HCK: variants seen among roughly 807,000 people sequenced by gnomAD.
HCK encodes tyrosine-protein kinase HCK.
Under a neutral mutation model 70.4 loss-of-function variants are expected in HCK, and 40 were observed. That is an observed-to-expected ratio of 0.57 (90% confidence interval 0.44 to 0.74). The LOEUF (loss-of-function observed/expected upper bound fraction) is 0.74. Among genes scored for constraint, HCK ranks in the 30% least tolerant of loss-of-function variants. HCK has a pLI of 0.00. For synonymous variants in HCK, 245 were observed against 263.2 expected (o/e 0.93, Z 0.67); for missense variants, 568 against 697.2 (o/e 0.81, Z 2.09).
At chr20:32,093,328 C>T (rs563923711) in intron 10 of HCK, among the ~76,000 whole-genome samples, 4 of 152,274 alleles carry the variant, frequency 2.6e-5, no homozygotes, top group Admixed American at 2.6e-4. Context: ...GTCTGGCACC[C>T]ACAAGACACT....
chr20:32,071,686 C>T lies in HCK; in HGVS notation c.87C>T (p.Phe29=). Residue 29 remains phenylalanine (F), a synonymous_variant, in exon 2 of 13, where the codon TTC becomes TTT. Transcript: ENST00000375852. ...GGATGGGGTGCATGAAGTCCAAGTT[C>T]CTCCAGGTCGGAGGCAATACATTCT... The T allele has an allele frequency of 6.2e-7, 1 of 1,614,154 alleles. No individual in the cohort carries two copies. The highest frequency in any genetic ancestry group is 8.5e-7 in the Non-Finnish European group (1 of 1,180,004).
At chr20:32,060,450 A>T (rs890435475) in intron 1 of HCK, among the ~76,000 whole-genome samples, 4 of 152,102 alleles carry the variant, frequency 2.6e-5, no homozygotes, top group African/African-American at 9.7e-5. Context: ...CAAACTCCTG[A>T]CATCAGGTGA....
chr20:32,061,380 C>T (rs1255054384), intron 1 of HCK, among the ~76,000 whole-genome samples: 1 of 152,224 alleles, frequency 6.6e-6, no homozygotes, highest in African/African-American at 2.4e-5. Context: ...CTTCGGTCTC[C>T]CTGCCACACT....
At position 32,086,799 on chromosome 20, in the gene HCK, T is replaced by C; in HGVS notation, c.1007T>C (p.Met336Thr). 6.3e-7 allele frequency: 1 copy of C among 1,577,662 alleles called. No individual in the cohort carries two copies. The highest frequency in any genetic ancestry group is 1.2e-5 in the South Asian group (1 of 84,116). The change falls in exon 9 of 13, where the codon ATG becomes ACG. Residue 336 changes from methionine (M) to threonine (T), a missense_variant. Around this residue, in one of 4 missense-constraint regions of HCK, gnomAD observed 160 missense variants for 237.5 expected, o/e 0.67. Transcript: ENST00000375852. ...CCCATCTACATCATCACGGAGTTCATGGCCAAAGGTGCTGCGTGCTGGGGC... is the reference window on the plus strand; with the variant it reads ...CCCATCTACATCATCACGGAGTTCACGGCCAAAGGTGCTGCGTGCTGGGGC...
chr20:32,066,465 C>G (rs2045461232), intron 1 of HCK, among the ~76,000 whole-genome samples: 1 of 151,744 alleles, frequency 6.6e-6, no homozygotes. Flanking sequence ...GTGTGCGCCG[C>G]CACACCTGGC....
rs187366574 is a variant in HCK, at chr20:32,096,993, A to T, written c.1247-2011A>T. On this transcript the variant is annotated intron_variant, in intron 11 of 12. Coordinates refer to ENST00000375852, the MANE Select transcript of HCK (RefSeq NM_002110.5). ...GTACGTTATAACTCGATTAAAAAAA[A>T]TTTAGACCGGGCACAGTGGCTCATG... Among the ~76,000 whole-genome samples the T allele has an allele frequency of 4.3e-3, 649 of 152,224 alleles. 3 individuals carry two copies. Among genetic ancestry groups the T allele is most frequent in the Non-Finnish European group, 4.6e-3 (310 of 68,004 alleles).
intron 1 of HCK, among the ~76,000 whole-genome samples, chr20:32,056,756 A>G (rs906232346): frequency 5.9e-5 from 9 of 152,176 alleles, no homozygotes; most frequent in East Asian, 1.9e-4. Context: ...TCAGAAAGTA[A>G]GGAGAAAGTT....
At chr20:32,070,859 A>G (rs1344981942) in intron 1 of HCK, among the ~76,000 whole-genome samples, 1 of 148,788 alleles carries the variant, frequency 6.7e-6, no homozygotes, top group Non-Finnish European at 1.5e-5. Flanking sequence ...AGAGAAAGAG[A>G]GGAGGAAGAG....
intron 1 of HCK, among the ~76,000 whole-genome samples, chr20:32,068,755 T>C (rs1269202884): frequency 6.6e-6 from 1 of 151,222 alleles, no homozygotes; most frequent in Admixed American, 6.6e-5. Flanking sequence ...CTGCCCCCCC[T>C]CTCTGCCCCC....
rs1209340293 is a variant in HCK at position 32,073,787 on chromosome 20, C to A, written c.298C>A (p.Gln100Lys). Residue 100 changes from glutamine (Q) to lysine (K), a missense_variant, in exon 4 of 13, where the codon CAG becomes AAG. Gln to Lys is a moderately conservative substitution (Grantham distance 53). Transcript: ENST00000375852. Reference sequence around the variant, plus strand: ...CATTCACCACGAAGACCTCAGCTTCCAGAAGGGGGACCAGATGGTGGTCCT... The same window carrying A: ...CATTCACCACGAAGACCTCAGCTTCAAGAAGGGGGACCAGATGGTGGTCCT... The A allele has an allele frequency of 1.9e-6, 3 of 1,554,426 alleles. No homozygotes were observed. Among genetic ancestry groups the A allele is most frequent in the Non-Finnish European group, 2.6e-6 (3 of 1,148,176 alleles).
At chr20:32,079,713 T>C in intron 5 of HCK, 61 bp from the exon 6 acceptor site, 1 of 1,157,018 alleles carries the variant, frequency 8.6e-7, no homozygotes, top group East Asian at 2.5e-5. Context: ...AGGCATCCTG[T>C]GTAGGCCGGA....
chr20:32,069,999 A>G (rs1036856594), intron 1 of HCK, among the ~76,000 whole-genome samples: 7 of 152,242 alleles, frequency 4.6e-5, no homozygotes, highest in African/African-American at 1.7e-4. Context: ...GAGAAAAGAA[A>G]TGAAACATTT....
At chr20:32,058,782 C>T (rs2045316724) in intron 1 of HCK, among the ~76,000 whole-genome samples, 1 of 152,094 alleles carries the variant, frequency 6.6e-6, no homozygotes, top group South Asian at 2.1e-4. Flanking sequence ...AGGCAGGGAA[C>T]AGGAGGTAGT....
chr20:32,073,944 A>C, intron 4 of HCK, 126 bp downstream of exon 4: 1 of 623,412 alleles, frequency 1.6e-6, no homozygotes, highest in Non-Finnish European at 2.9e-6. Context: ...GTCTAATGAG[A>C]AGCTAATCAC....
chr20:32,057,160 C>T (rs1316857112), intron 1 of HCK, among the ~76,000 whole-genome samples: 1 of 152,196 alleles, frequency 6.6e-6, no homozygotes, highest in Non-Finnish European at 1.5e-5. Flanking sequence ...TGGGGGCTGC[C>T]CTGGGGGCTA....
At chr20:32,058,389 G>A (rs548114605) in intron 1 of HCK, among the ~76,000 whole-genome samples, 20 of 152,056 alleles carry the variant, frequency 1.3e-4, no homozygotes, top group East Asian at 1.2e-3. Flanking sequence ...AAAATTAGCC[G>A]GGCGTGGTGG....
chr20:32,084,112 G>C, intron 7 of HCK, 69 bp downstream of exon 7: 2 of 1,534,342 alleles, frequency 1.3e-6, no homozygotes, highest in South Asian at 2.3e-5. Flanking sequence ...CGGATGCACT[G>C]TGGCCCCTGA....
chr20:32,096,941 A>G (rs371195805), intron 11 of HCK, among the ~76,000 whole-genome samples: 6 of 152,154 alleles, frequency 3.9e-5, no homozygotes, highest in African/African-American at 1.4e-4. Flanking sequence ...CAAAATGGAT[A>G]TTAAAGATTT....
chr20:32,098,920 G>C, intron 11 of HCK, 84 bp from the exon 12 acceptor site: 3 of 1,481,662 alleles, frequency 2.0e-6, no homozygotes, highest in Non-Finnish European at 2.8e-6. Context: ...GGCAGCTCTT[G>C]CCCTTGCCTG....
Sources: gnomAD v4.1 joint callset for allele counts (sites outside exome capture counted in the v4.1 genomes callset) on GRCh38, gnomAD v4.1.1 for gene constraint, gnomAD v4.1.1 regional missense constraint, MANE v1.5 for transcripts, NCBI Gene and HGNC (gene_info 2026-07-23, HGNC 2026-07-21) for gene names.